CHRNA6: variants seen among roughly 807,000 people sequenced by gnomAD.
CHRNA6 encodes the protein cholinergic receptor nicotinic alpha 6 subunit.
A neutral mutation model predicts 40.9 loss-of-function variants in CHRNA6; 31 were observed. That is an observed-to-expected ratio of 0.76 (90% CI 0.57 to 1.02). The LOEUF (loss-of-function observed/expected upper bound fraction) is 1.02, where lower values mean the gene tolerates loss of function less well. CHRNA6 is among the 50% of genes least tolerant of loss of function. CHRNA6 has a pLI of 0.00. For synonymous variants in CHRNA6, 222 were observed against 221.3 expected (o/e 1.00, Z -0.03); for missense variants, 546 against 596.6 (o/e 0.92, Z 0.88).
chr8:42,765,289 G>A, intron 1 of CHRNA6, 85 bp from the exon 2 acceptor site: 2 of 1,474,792 alleles, frequency 1.4e-6, no homozygotes, highest in Non-Finnish European at 1.9e-6. Context: ...CCCGGGCCCT[G>A]TGGGGAGCGA....
chr8:42,760,301 T>C (rs553530009), intron 2 of CHRNA6, among the ~76,000 whole-genome samples: 13 of 147,454 alleles, frequency 8.8e-5, no homozygotes, highest in Non-Finnish European at 1.8e-4. Context: ...ATATACACGG[T>C]ACTCTCATAC....
chr8:42,768,328 A>G, intron 1 of CHRNA6, 24 bp downstream of exon 1: 1 of 1,580,244 alleles, frequency 6.3e-7, no homozygotes, highest in African/African-American at 1.3e-5. Flanking sequence ...AGGGAATAGA[A>G]GATAAAGCAG....
rs1307749459 is a variant in CHRNA6 at position 42,756,139 on chromosome 8, G to T, written c.1060C>A (p.Leu354Met). 2 of 1,614,144 alleles carry T rather than the reference G, an allele frequency of 1.2e-6. No homozygotes were observed. The highest frequency in any genetic ancestry group is 4.5e-5 in the East Asian group (2 of 44,896). The stretch of plus-strand genomic sequence containing the variant: ...GTCTTGTCCAGAGGCCACCTCATCA[G>T]CAGGACCTGGGGCAGCAGCTTCAGG... The part of the protein sequence containing the change: ...VFLKLLPQVL[L>M]MRWPLDKTRG... Residue 354 changes from leucine (L) to methionine (M), a missense_variant, in exon 5 of 6, where the codon CTG becomes ATG. Transcript: ENST00000276410.
Position 42,756,128 on chromosome 8 carries a change from C to A in CHRNA6, c.1071G>T (p.Trp357Cys), listed in dbSNP as rs775188873. Residue 357 changes from tryptophan (W) to cysteine (C), a missense_variant, in exon 5 of 6, where the codon TGG becomes TGT. Around this residue, in one of 3 missense-constraint regions of CHRNA6, gnomAD observed 476 missense variants for 494.5 expected, o/e 0.96. Transcript: ENST00000276410. ...CTGTGCCCCTTGTCTTGTCCAGAGG[C>A]CACCTCATCAGCAGGACCTGGGGCA... ...KLLPQVLLMR[W>C]PLDKTRGTGS... is the part of the protein sequence containing the mutation. The A allele has an allele frequency of 6.2e-7, 1 of 1,614,268 alleles. No individual in the cohort carries two copies.
At chr8:42,758,633 G>A (rs1007541232) in intron 3 of CHRNA6, among the ~76,000 whole-genome samples, 1 of 152,076 alleles carries the variant, frequency 6.6e-6, no homozygotes, top group Non-Finnish European at 1.5e-5. Context: ...CAAAGTGCTG[G>A]GATTACAGGC....
At chr8:42,760,338 GCA>G (rs199901062) in intron 2 of CHRNA6, among the ~76,000 whole-genome samples, 12 of 147,038 alleles carry the variant, frequency 8.2e-5, no homozygotes, top group South Asian at 2.2e-4. Flanking sequence ...ACACTCATGC[GCA>G]CACACACTCG....
chr8:42,765,424 T>C (rs1816963706), intron 1 of CHRNA6, among the ~76,000 whole-genome samples: 1 of 152,216 alleles, frequency 6.6e-6, no homozygotes. Context: ...AACAGCAATG[T>C]CTGCATTTCA....
At chr8:42,757,918 C>G (rs1313661274) in intron 3 of CHRNA6, among the ~76,000 whole-genome samples, 1 of 151,332 alleles carries the variant, frequency 6.6e-6, no homozygotes, top group Non-Finnish European at 1.5e-5. Flanking sequence ...CCCTGTAGTC[C>G]CAGCTACTCA....
chr8:42,762,986 G>A lies in CHRNA6; in HGVS notation c.219+2079C>T, dbSNP rs138590927. On this transcript the variant is annotated intron_variant, in intron 2 of 5. Transcript: ENST00000276410. ...TTTAAAAACCTGCAGTTCCAAGTCTGCCTTGCAGCTGGAGGTAGTCAATGA... is the reference window on the plus strand; with the variant it reads ...TTTAAAAACCTGCAGTTCCAAGTCTACCTTGCAGCTGGAGGTAGTCAATGA... Among the ~76,000 whole-genome samples, 54 of 152,338 alleles carry A rather than the reference G, an allele frequency of 3.5e-4. 1 individual carries two copies. In the East Asian group the frequency reaches 7.9e-3, roughly 22 times the overall value.
At chr8:42,764,464 G>A (rs1816945530) in intron 2 of CHRNA6, among the ~76,000 whole-genome samples, 1 of 151,938 alleles carries the variant, frequency 6.6e-6, no homozygotes, top group Non-Finnish European at 1.5e-5. Context: ...AGTAGCAGGA[G>A]CTACAGGCAT....
chr8:42,757,861 G>A (rs988809161), intron 3 of CHRNA6, among the ~76,000 whole-genome samples: 1 of 150,516 alleles, frequency 6.6e-6, no homozygotes, highest in Non-Finnish European at 1.5e-5. Context: ...GTGAAACCCC[G>A]TCTCTACTAA....
intron 5 of CHRNA6, among the ~76,000 whole-genome samples, chr8:42,753,734 G>C (rs1816754984): frequency 6.6e-6 from 1 of 152,156 alleles, no homozygotes; most frequent in South Asian, 2.1e-4. Flanking sequence ...CAGGTCTCCT[G>C]TACAGGACAC....
Position 42,752,879 on chromosome 8 carries a change from T to C in CHRNA6, c.*300A>G, listed in dbSNP as rs1816741267. 8.0e-6 allele frequency: 2 copies of C among 250,324 alleles called. No individual in the cohort carries two copies. The highest frequency in any genetic ancestry group is 1.5e-5 in the Non-Finnish European group (2 of 132,004). The allele number at this position is 250,324 out of a possible 1,614,324, so 15.5% of individuals were successfully genotyped here. ...TTAATTACATAATTAGGCTGTATTG[T>C]AAGTCATTCTTGTCTTTAGAAGCCA... On this transcript the variant is annotated 3_prime_UTR_variant, in exon 6 of 6. Coordinates refer to ENST00000276410, the MANE Select transcript of CHRNA6 (RefSeq NM_004198.3).
chr8:42,761,413 G>A (rs930963712), intron 2 of CHRNA6, among the ~76,000 whole-genome samples: 1 of 152,250 alleles, frequency 6.6e-6, no homozygotes, highest in Non-Finnish European at 1.5e-5. Context: ...GAATGGACTA[G>A]CCCTGCAGTC....
rs1816792414 is a variant in CHRNA6 at position 42,755,949 on chromosome 8, T to A, written c.1250A>T (p.Gln417Leu). 1 of 1,614,274 alleles carries A rather than the reference T, an allele frequency of 6.2e-7. No homozygotes were observed. Among genetic ancestry groups the A allele is most frequent in the Non-Finnish European group, 8.5e-7 (1 of 1,180,044 alleles). ...GTGCTCCGAATTTTCCACCACCCACTGTAATGGCTGATGACTTAATCTTCT... is the reference window on the plus strand; with the variant it reads ...GTGCTCCGAATTTTCCACCACCCACAGTAATGGCTGATGACTTAATCTTCT... ...SKRRLSHQPL[Q>L]WVVENSEHSP... The change falls in exon 5 of 6, where the codon CAG becomes CTG. Residue 417 changes from glutamine (Q) to leucine (L), a missense_variant. This residue lies in a region of CHRNA6 where 5 missense variants were observed against 18.4 expected (regional missense o/e 0.27). Transcript: ENST00000276410.
intron 5 of CHRNA6, among the ~76,000 whole-genome samples, chr8:42,753,918 T>C (rs1816756639): frequency 6.6e-6 from 1 of 151,756 alleles, no homozygotes; most frequent in Non-Finnish European, 1.5e-5. Flanking sequence ...TTTGCAACGG[T>C]GGGTAGTCTG....
chr8:42,764,347 C>CT (rs922969764), intron 2 of CHRNA6, among the ~76,000 whole-genome samples: 91 of 147,580 alleles, frequency 6.2e-4, no homozygotes, highest in Admixed American at 2.9e-3. Context: ...TCATGCAATT[C>CT]TTTTTTTTTT....
At chr8:42,754,852 T>C (rs1441847557) in intron 5 of CHRNA6, among the ~76,000 whole-genome samples, 1 of 152,088 alleles carries the variant, frequency 6.6e-6, no homozygotes, top group Non-Finnish European at 1.5e-5. Flanking sequence ...CTGGGGCTCA[T>C]TTCACCAGCA....
chr8:42,766,687 A>G (rs1816980931), intron 1 of CHRNA6, among the ~76,000 whole-genome samples: 1 of 152,150 alleles, frequency 6.6e-6, no homozygotes, highest in South Asian at 2.1e-4. Context: ...GAGCTGAACA[A>G]TGAGGACACA....
Sources: allele counts gnomAD v4.1 joint callset (sites outside exome capture counted in the v4.1 genomes callset), GRCh38; gene constraint gnomAD v4.1.1; regional missense constraint gnomAD v4.1.1; transcripts MANE v1.5; gene names NCBI Gene and HGNC (gene_info 2026-07-23, HGNC 2026-07-21).